TMED4: variants seen among roughly 807,000 people sequenced by gnomAD.
The protein encoded by TMED4 is transmembrane emp24 domain-containing protein 4.
TMED4 carries 19 observed loss-of-function variants against 26.5 expected under a neutral mutation model. The observed-to-expected ratio is 0.72, with a 90% CI of 0.50 to 1.05. The LOEUF is 1.05. TMED4 is among the 50% of genes least tolerant of loss of function. The probability of loss-of-function intolerance (pLI) is 0.00; values close to 1 mark genes in which losing one functional copy is unlikely to be tolerated. For synonymous variants in TMED4, 121 were observed against 119.8 expected (o/e 1.01, Z -0.07); for missense variants, 303 against 302.5 (o/e 1.00, Z -0.01).
rs1255631451 is a variant in TMED4, at chr7:44,581,807, C to T, written c.177G>A (p.Gln59=). 1 of 1,614,186 alleles carries T rather than the reference C, an allele frequency of 6.2e-7. No individual in the cohort carries two copies. Among genetic ancestry groups the T allele is most frequent in the Non-Finnish European group, 8.5e-7 (1 of 1,180,024 alleles). The change falls in exon 2 of 5, where the codon CAG becomes CAA. Residue 59 remains glutamine (Q), a synonymous_variant. Transcript: ENST00000457408. ...ETMVIGNYRT[Q]MWDKQKEVFL... is the part of the protein sequence containing the mutation. The stretch of plus-strand genomic sequence containing the variant: ...AGACCTCCTTCTGCTTATCCCACAT[C>T]TGGGTACGATAGTTGCCTGCGGGGC...
rs1164640199 is a variant in TMED4 at position 44,582,189 on chromosome 7, A to G, written c.18T>C (p.Ala6=). The change falls in exon 1 of 5, where the codon GCT becomes GCC. Residue 6 remains alanine, a synonymous_variant. Transcript: ENST00000457408. ...GCCGCCCCATCGCCCGCAGAGGCCCAGCCCCGACACCTGCCATCGCGCCTC... is the reference window on the plus strand; with the variant it reads ...GCCGCCCCATCGCCCGCAGAGGCCCGGCCCCGACACCTGCCATCGCGCCTC... MAGVG[A]GPLRAMGRQA... 2 of 1,545,886 alleles carry G rather than the reference A, an allele frequency of 1.3e-6. No homozygotes were observed. Among genetic ancestry groups the G allele is most frequent in the South Asian group, 1.2e-5 (1 of 83,984 alleles).
Position 44,579,367 on chromosome 7 carries a change from A to C in TMED4, c.*112T>G. ...TGAATGGTTTGTGGCCATGGAACCA[A>C]TGTGACTTATTCTTTTTCATTTTTT... is the stretch of plus-strand genomic sequence containing the variant. On this transcript the variant is annotated 3_prime_UTR_variant, in exon 5 of 5. Coordinates refer to ENST00000457408, the MANE Select transcript of TMED4 (RefSeq NM_182547.4). 4 of 1,245,794 alleles carry C rather than the reference A, an allele frequency of 3.2e-6. No individual in the cohort carries two copies. Among genetic ancestry groups the C allele is most frequent in the Middle Eastern group, 2.9e-4 (1 of 3,482 alleles). 77.2% of individuals were successfully genotyped at this position (1,245,794 alleles called of 1,614,324 possible).
At position 44,581,904 on chromosome 7, in the gene TMED4, TC is replaced by T. The variant is rs1015904274; in HGVS notation, c.161-82del. On this transcript the variant is annotated intron_variant, in intron 1 of 4. Transcript: ENST00000457408. ...CCCCCTCCGACGTGCGGCCCGGAGC[TC>T]TAGGCAGGGGGCCTGGCGTCCTCGG... The T allele has an allele frequency of 2.3e-5, 37 of 1,581,760 alleles. No homozygotes were observed. The African/African-American group carries it at 3.9e-4, about 17-fold the overall frequency.
intron 4 of TMED4, 150 bp downstream of exon 4, chr7:44,580,943 C>T (rs1052166163): frequency 4.7e-6 from 4 of 859,396 alleles, no homozygotes; most frequent in Middle Eastern, 2.6e-4. Context: ...AGTGAAACTC[C>T]GTCTCAAAAA....
chr7:44,579,597 T>C lies in TMED4; in HGVS notation c.566A>G (p.Glu189Gly), dbSNP rs1017939577. The C allele has an allele frequency of 8.1e-6, 13 of 1,613,996 alleles. No homozygotes were observed. The highest frequency in any genetic ancestry group is 1.1e-5 in the Non-Finnish European group (13 of 1,179,980). ...CCATAGGACCCTCTGGTTGGTGCTCTCGCTCGTCAGTCGGAAGCGCTCTTC... is the reference window on the plus strand; with the variant it reads ...CCATAGGACCCTCTGGTTGGTGCTCCCGCTCGTCAGTCGGAAGCGCTCTTC... The part of the protein sequence containing the change: ...YREERFRLTS[E>G]STNQRVLWWS... Residue 189 changes from glutamate (E) to glycine (G), a missense_variant, in exon 5 of 5, where the codon GAG becomes GGG. By Grantham distance (98) the Glu-to-Gly change is moderately conservative. Coordinates refer to ENST00000457408, the MANE Select transcript of TMED4 (RefSeq NM_182547.4).
chr7:44,580,339 A>G (rs1802944321), intron 4 of TMED4: 1 of 152,440 alleles, frequency 6.6e-6, no homozygotes, highest in Non-Finnish European at 1.5e-5. Flanking sequence ...TGAGCCACGC[A>G]TGGTGGCACT....
In TMED4 at chr7:44,581,862, G is replaced by A. The variant is rs753689857; in HGVS notation, c.161-39C>T. The A allele has an allele frequency of 1.4e-5, 22 of 1,606,646 alleles. No homozygotes were observed. The African/African-American group carries it at 2.0e-4, about 15-fold the overall frequency. On this transcript the variant is annotated intron_variant, in intron 1 of 4. Transcript: ENST00000457408. ...ACATAGTCACGACCGGCCCTAGTGG[G>A]CCGCCTCTCCGCCCGGCCCCCTCCG...
At position 44,581,035 on chromosome 7, in the gene TMED4, G is replaced by A. The variant is rs759333256; in HGVS notation, c.534+58C>T. 4 of 1,586,072 alleles carry A rather than the reference G, an allele frequency of 2.5e-6. No individual in the cohort carries two copies. In the African/African-American group the frequency reaches 5.4e-5, roughly 21 times the overall value. ...GATCTCCCAAGCAGAAACTTGAGTA[G>A]GTATAGTGGGTATAAAGGTCAACTG... On this transcript the variant is annotated intron_variant, in intron 4 of 4. Coordinates refer to ENST00000457408, the MANE Select transcript of TMED4 (RefSeq NM_182547.4).
chr7:44,579,149 GAGAA>G lies in TMED4; in HGVS notation c.*326_*329del, dbSNP rs1423315257. ...GTCACCTACTGCGTAAGTGGACAAA[GAGAA>G]AGCAGAAGGTAATGGAGAGAGTTTT... On this transcript the variant is annotated 3_prime_UTR_variant, in exon 5 of 5. Coordinates refer to ENST00000457408, the MANE Select transcript of TMED4 (RefSeq NM_182547.4). 6.2e-5 allele frequency: 13 copies of G among 210,918 alleles called. 1 individual carries two copies. The highest frequency in any genetic ancestry group is 1.3e-4 in the Non-Finnish European group (13 of 103,310). 13.1% of individuals were successfully genotyped at this position (210,918 alleles called of 1,614,324 possible).
At position 44,581,219 on chromosome 7, in the gene TMED4, C is replaced by A. The variant is rs755458337; in HGVS notation, c.408G>T (p.Gln136His). 4 of 1,613,992 alleles carry A rather than the reference C, an allele frequency of 2.5e-6. No individual in the cohort carries two copies. The highest frequency in any genetic ancestry group is 1.3e-5 in the African/African-American group (1 of 74,904). Residue 136 changes from glutamine to histidine, a missense_variant, in exon 4 of 5, where the codon CAG becomes CAT. Coordinates refer to ENST00000457408, the MANE Select transcript of TMED4 (RefSeq NM_182547.4). ...GGTAGTTGTTGGCATGCTCCCCAAC[C>A]TGGATGTCGAGATGCACCCGCTACA... is the stretch of plus-strand genomic sequence containing the variant. ...GGKLRVHLDI[Q>H]VGEHANNYPE...
intron 2 of TMED4, 51 bp downstream of exon 2, chr7:44,581,672 C>G: frequency 6.2e-7 from 1 of 1,613,812 alleles, no homozygotes; most frequent in Non-Finnish European, 8.5e-7. Context: ...TGCTTTACAC[C>G]CCACGGGAGC....
chr7:44,581,717 C>A lies in TMED4; in HGVS notation c.261+6G>T. On this transcript the variant is annotated splice_donor_region_variant and intron_variant, in intron 2 of 4. Coordinates refer to ENST00000457408, the MANE Select transcript of TMED4 (RefSeq NM_182547.4). ...GAACGGCTGCGTGGGCCAACGCCAG[C>A]CTTACCTTGCCGTCGGGGTCCTTCA... The A allele has an allele frequency of 6.2e-7, 1 of 1,614,212 alleles. No homozygotes were observed. Among genetic ancestry groups the A allele is most frequent in the Non-Finnish European group, 8.5e-7 (1 of 1,180,032 alleles).
rs148403632 is a variant in TMED4, at chr7:44,580,146, G to A, written c.535-518C>T. 5.0e-3 allele frequency: 771 copies of A among 152,966 alleles called. 2 individuals carry two copies. The highest frequency in any genetic ancestry group is 8.4e-3 in the Non-Finnish European group (578 of 68,522). 9.5% of individuals were successfully genotyped at this position (152,966 alleles called of 1,614,324 possible). A position where few individuals can be genotyped will look rare whatever the true frequency, so the allele number is the denominator to read the frequency against. ...ATAGAGACAGAAAGTAGAATGGTGG[G>A]TGTCAGGACAAAAGGAAACGGGAAG... is the stretch of plus-strand genomic sequence containing the variant. On this transcript the variant is annotated intron_variant, in intron 4 of 4. Coordinates refer to ENST00000457408, the MANE Select transcript of TMED4 (RefSeq NM_182547.4).
intron 4 of TMED4, 129 bp from the exon 5 acceptor site, chr7:44,579,757 G>C (rs1802921683): frequency 1.1e-6 from 1 of 950,376 alleles, no homozygotes; most frequent in East Asian, 2.5e-5. Context: ...ACTCCATTAG[G>C]AGTGCTATGG....
rs1327168577 is a variant in TMED4, at chr7:44,582,198, A to C, written c.9T>G (p.Gly3=). Residue 3 remains glycine, a synonymous_variant, in exon 1 of 5, where the codon GGT becomes GGG. Coordinates refer to ENST00000457408, the MANE Select transcript of TMED4 (RefSeq NM_182547.4). MA[G]VGAGPLRAMG... ...TCGCCCGCAGAGGCCCAGCCCCGAC[A>C]CCTGCCATCGCGCCTCAGCCCCTAA... 7.1e-6 allele frequency: 11 copies of C among 1,543,684 alleles called. No individual in the cohort carries two copies. The highest frequency in any genetic ancestry group is 9.6e-6 in the Non-Finnish European group (11 of 1,145,768).
rs907242717 is a variant in TMED4 at position 44,582,159 on chromosome 7, G to C, written c.48C>G (p.Ala16=). The C allele has an allele frequency of 7.7e-6, 12 of 1,549,506 alleles. No homozygotes were observed. Among genetic ancestry groups the C allele is most frequent in the Non-Finnish European group, 1.0e-5 (12 of 1,146,512 alleles). Residue 16 remains alanine (A), a synonymous_variant, in exon 1 of 5, where the codon GCC becomes GCG. Transcript: ENST00000457408. ...AGPLRAMGRQ[A]LLLLALCATG... is the part of the protein sequence containing the mutation. ...TGGCGCACAGCGCGAGAAGCAGCAGGGCCTGCCGCCCCATCGCCCGCAGAG... is the reference window on the plus strand; with the variant it reads ...TGGCGCACAGCGCGAGAAGCAGCAGCGCCTGCCGCCCCATCGCCCGCAGAG...
Position 44,579,122 on chromosome 7 carries a change from C to G in TMED4, c.*357G>C. On this transcript the variant is annotated 3_prime_UTR_variant, in exon 5 of 5. Transcript: ENST00000457408. Reference sequence around the variant, plus strand: ...GCAGGGCCTGCTCTGTGGCACATGCCAGTCACCTACTGCGTAAGTGGACAA... The same window carrying G: ...GCAGGGCCTGCTCTGTGGCACATGCGAGTCACCTACTGCGTAAGTGGACAA... 1 of 190,122 alleles carries G rather than the reference C, an allele frequency of 5.3e-6. No individual in the cohort carries two copies. Among genetic ancestry groups the G allele is most frequent in the Non-Finnish European group, 1.1e-5 (1 of 90,746 alleles). The allele number at this position is 190,122 out of a possible 1,614,324, so 11.8% of individuals were successfully genotyped here.
At position 44,579,508 on chromosome 7, in the gene TMED4, T is replaced by C. The variant is rs755023462; in HGVS notation, c.655A>G (p.Ser219Gly). The change falls in exon 5 of 5, where the codon AGC (serine) becomes GGC (glycine). Residue 219 changes from serine (S) to glycine (G), a missense_variant. Physicochemically the swap from Ser to Gly is moderately conservative, Grantham distance 56. Coordinates refer to ENST00000457408, the MANE Select transcript of TMED4 (RefSeq NM_182547.4). ...ACCAGCTTCTTGGCCTCAAAGAAGC[T>C]CTTGAGGTGACGCATCTGCCAGATG... ...TGIWQMRHLK[S>G]FFEAKKLV The C allele has an allele frequency of 6.2e-7, 1 of 1,613,976 alleles. No homozygotes were observed. Among genetic ancestry groups the C allele is most frequent in the South Asian group, 1.1e-5 (1 of 91,066 alleles).
At chr7:44,579,783 T>C in intron 4 of TMED4, 155 bp from the exon 5 acceptor site, 3 of 636,556 alleles carry the variant, frequency 4.7e-6, no homozygotes, top group Non-Finnish European at 7.5e-6. Context: ...CCACTGAGGC[T>C]GCCCCAAGAA....
Sources: allele counts gnomAD v4.1 joint callset, GRCh38; gene constraint gnomAD v4.1.1; transcripts MANE v1.5; gene names NCBI Gene and HGNC (gene_info 2026-07-23, HGNC 2026-07-21).